Variants in RBMS3 observed in about 807,000 individuals in gnomAD.
RBMS3 encodes the protein RNA binding motif single stranded interacting protein 3, also known as RNA-binding motif, single-stranded-interacting protein 3.
A neutral mutation model predicts 66.8 loss-of-function variants in RBMS3; 27 were observed. The ratio of observed to expected loss-of-function variants is 0.40; its 90% CI spans 0.30 to 0.56. The LOEUF (loss-of-function observed/expected upper bound fraction) is 0.56, where lower values mean the gene tolerates loss of function less well. Ranked by LOEUF, RBMS3 falls within the 20% of genes least tolerant of loss-of-function variation. The probability of loss-of-function intolerance (pLI) is 0.40; values close to 1 mark genes in which losing one functional copy is unlikely to be tolerated. For missense variants in RBMS3, 513 were observed against 549.5 expected, an observed-to-expected ratio of 0.93 and a Z score of 0.66; for synonymous variants, 188 against 183.0, an observed-to-expected ratio of 1.03 and a Z score of -0.22.
intron 6 of RBMS3, among the ~76,000 whole-genome samples, chr3:29,785,810 C>A (rs2056798137): frequency 6.6e-6 from 1 of 152,082 alleles, no homozygotes; most frequent in Non-Finnish European, 1.5e-5. Context: ...TTCACCACTT[C>A]TGTTGAACAT....
At chr3:29,354,304 A>C (rs960778046) in intron 1 of RBMS3, among the ~76,000 whole-genome samples, 1 of 152,126 alleles carries the variant, frequency 6.6e-6, no homozygotes, top group Non-Finnish European at 1.5e-5. Context: ...TAATTTCCAC[A>C]AGTATTTTAT....
At chr3:29,360,902 G>T (rs1228521672) in intron 1 of RBMS3, among the ~76,000 whole-genome samples, 2 of 151,766 alleles carry the variant, frequency 1.3e-5, no homozygotes, top group Admixed American at 1.3e-4. Flanking sequence ...TTTGCTTAGT[G>T]GATCTTCCCC....
chr3:29,344,786 A>G (rs542553388), intron 1 of RBMS3, among the ~76,000 whole-genome samples: 8 of 152,234 alleles, frequency 5.3e-5, no homozygotes. Context: ...CTCTTTCCAA[A>G]AAGGATTATT....
intron 3 of RBMS3, among the ~76,000 whole-genome samples, chr3:29,507,368 C>A (rs983594455): frequency 1.3e-5 from 2 of 151,768 alleles, no homozygotes; most frequent in Admixed American, 6.6e-5. Context: ...TTGGAAATAA[C>A]CTAATATGCA....
At chr3:29,557,051 A>T (rs914634471) in intron 3 of RBMS3, among the ~76,000 whole-genome samples, 11 of 152,102 alleles carry the variant, frequency 7.2e-5, no homozygotes, top group African/African-American at 2.4e-4. Context: ...TCTTTCTGTC[A>T]CTCAAAGTAG....
chr3:29,601,790 TC>T (rs1287796184), intron 4 of RBMS3, among the ~76,000 whole-genome samples: 3 of 152,012 alleles, frequency 2.0e-5, no homozygotes, highest in Non-Finnish European at 4.4e-5. Flanking sequence ...AGACTCTCAG[TC>T]TTTTTTGTTT....
At chr3:29,583,224 G>A (rs1207660298) in intron 3 of RBMS3, among the ~76,000 whole-genome samples, 1 of 152,070 alleles carries the variant, frequency 6.6e-6, no homozygotes, top group Non-Finnish European at 1.5e-5. Flanking sequence ...AGTCCTGGAG[G>A]TCAACATCTT....
At chr3:29,463,328 A>G (rs1022464186) in intron 2 of RBMS3, among the ~76,000 whole-genome samples, 1 of 152,192 alleles carries the variant, frequency 6.6e-6, no homozygotes, top group African/African-American at 2.4e-5. Flanking sequence ...TCACAGCCCT[A>G]CCCTAATGGG....
chr3:29,553,867 C>G (rs2046260069), intron 3 of RBMS3, among the ~76,000 whole-genome samples: 1 of 149,228 alleles, frequency 6.7e-6, no homozygotes, highest in Non-Finnish European at 1.5e-5. Flanking sequence ...GAAAGGTACA[C>G]TGTGTGAATT....
intron 10 of RBMS3, among the ~76,000 whole-genome samples, chr3:29,923,278 C>G (rs1438526126): frequency 6.6e-6 from 1 of 152,148 alleles, no homozygotes; most frequent in African/African-American, 2.4e-5. Flanking sequence ...GAGCTATTTC[C>G]ACAGCTGGCT....
intron 4 of RBMS3, among the ~76,000 whole-genome samples, chr3:29,613,528 A>AAG (rs2048561827): frequency 6.6e-6 from 1 of 152,146 alleles, no homozygotes; most frequent in Admixed American, 6.6e-5. Context: ...TCTTTTGAGA[A>AAG]ATGCCTTGTG....
chr3:29,381,285 G>T (rs1460341205), intron 1 of RBMS3, among the ~76,000 whole-genome samples: 2 of 152,166 alleles, frequency 1.3e-5, no homozygotes, highest in South Asian at 4.1e-4. Flanking sequence ...GAGAAGCAAG[G>T]AAGTGTAAGT....
chr3:29,659,008 G>A (rs1484256732), intron 4 of RBMS3, among the ~76,000 whole-genome samples: 4 of 152,094 alleles, frequency 2.6e-5, no homozygotes, highest in African/African-American at 4.8e-5. Flanking sequence ...TAGTAGCGAT[G>A]GGGTTTCACC....
At chr3:29,934,741 CT>C (rs1283885426) in intron 10 of RBMS3, among the ~76,000 whole-genome samples, 1 of 151,950 alleles carries the variant, frequency 6.6e-6, no homozygotes, top group Admixed American at 6.6e-5. Context: ...AAAGCTGGCC[CT>C]GTATATCAAG....
At chr3:29,343,851 T>C (rs1019727649) in intron 1 of RBMS3, among the ~76,000 whole-genome samples, 5 of 152,244 alleles carry the variant, frequency 3.3e-5, no homozygotes, top group African/African-American at 1.2e-4. Flanking sequence ...TTCCCTATTT[T>C]GCTATGCTAT....
intron 3 of RBMS3, among the ~76,000 whole-genome samples, chr3:29,533,500 G>A (rs1051761899): frequency 2.0e-5 from 3 of 151,778 alleles, no homozygotes; most frequent in Admixed American, 2.0e-4. Context: ...AATAGGGCCC[G>A]GCATGGTGGC....
chr3:29,805,505 A>G (rs577959971), intron 6 of RBMS3, among the ~76,000 whole-genome samples: 72 of 152,172 alleles, frequency 4.7e-4, no homozygotes, highest in Non-Finnish European at 5.9e-4. Context: ...AGCTCTGTGT[A>G]TGTTACTGGC....
intron 2 of RBMS3, among the ~76,000 whole-genome samples, chr3:29,440,357 T>C (rs184388257): frequency 1.2e-4 from 19 of 152,296 alleles, no homozygotes; most frequent in Non-Finnish European, 2.4e-4. Context: ...AATTAAAATA[T>C]TGTGAAGGAA....
chr3:29,870,196 G>A (rs1162326205), intron 7 of RBMS3, among the ~76,000 whole-genome samples: 2 of 152,122 alleles, frequency 1.3e-5, no homozygotes, highest in African/African-American at 4.8e-5. Context: ...AGGAGGTGGA[G>A]GGGGTGATCC....
Sources: allele counts gnomAD v4.1 joint callset (sites outside exome capture counted in the v4.1 genomes callset), GRCh38; gene constraint gnomAD v4.1.1; transcripts MANE v1.5; gene names NCBI Gene and HGNC (gene_info 2026-07-23, HGNC 2026-07-21).